Variants in EBF3 observed in about 807,000 individuals in gnomAD.
The protein encoded by EBF3 is EBF transcription factor 3.
Under a neutral mutation model 77.1 loss-of-function variants are expected in EBF3, and 18 were observed. The ratio of observed to expected loss-of-function variants is 0.23; its 90% confidence interval spans 0.16 to 0.35. The LOEUF is 0.35. Among genes scored for constraint, EBF3 ranks in the 10% least tolerant of loss-of-function variants. The pLI is 1.00. For synonymous variants in EBF3, 350 were observed against 343.5 expected, an observed-to-expected ratio of 1.02 and a Z score of -0.21; for missense variants, 558 against 860.0, an observed-to-expected ratio of 0.65 and a Z score of 4.39.
In EBF3 at chr10:129,837,848, C is replaced by T. The variant is rs1849704657; in HGVS notation, c.*95G>A. ...ATTTTTTTGAAGATACTGTTTCCAT[C>T]AGCATGTCTTAATATACTAAACGTG... On this transcript the variant is annotated 3_prime_UTR_variant, in exon 17 of 17. Transcript: ENST00000440978. 6.5e-7 allele frequency: 1 copy of T among 1,533,144 alleles called. No individual in the cohort carries two copies. Among genetic ancestry groups the T allele is most frequent in the Admixed American group, 1.7e-5 (1 of 57,488 alleles). 95.0% of individuals were successfully genotyped at this position (1,533,144 alleles called of 1,614,324 possible). A position where few individuals can be genotyped will look rare whatever the true frequency, so the allele number is the denominator to read the frequency against.
At chr10:129,858,035 G>A (rs1331390940) in intron 10 of EBF3, among the ~76,000 whole-genome samples, 1 of 152,234 alleles carries the variant, frequency 6.6e-6, no homozygotes, top group Admixed American at 6.5e-5. Context: ...CTCTGGGGTG[G>A]TGAGGAAGGG....
intron 6 of EBF3, among the ~76,000 whole-genome samples, chr10:129,902,046 T>C (rs934616073): frequency 6.6e-6 from 1 of 152,204 alleles, no homozygotes; most frequent in Non-Finnish European, 1.5e-5. Context: ...ATGCTTTTAA[T>C]ACAAAATCTA....
At position 129,864,920 on chromosome 10, in the gene EBF3, C is replaced by T. The variant is rs1410597634; in HGVS notation, c.1039+2221G>A. ...GGAAGGACCATTTATGGAGTGCCTG[C>T]CATGTGTTAGACACTGTACATAAGT... On this transcript the variant is annotated intron_variant, in intron 10 of 16. Coordinates refer to ENST00000440978, the MANE Select transcript of EBF3 (RefSeq NM_001375380.1). The surrounding 1 kb of genome is among the most constrained non-coding windows in gnomAD (Gnocchi z 4.4). Among the ~76,000 whole-genome samples the T allele has an allele frequency of 6.6e-6, 1 of 152,244 alleles. No individual in the cohort carries two copies. Among genetic ancestry groups the T allele is most frequent in the Non-Finnish European group, 1.5e-5 (1 of 68,042 alleles).
intron 6 of EBF3, 126 bp from the exon 7 acceptor site, chr10:129,877,975 G>T (rs1057290920): frequency 1.4e-6 from 1 of 714,944 alleles, no homozygotes; most frequent in African/African-American, 1.8e-5. Context: ...CTTCCCTCTA[G>T]GGGGCGACAT....
chr10:129,850,275 G>T (rs558130153), intron 10 of EBF3, among the ~76,000 whole-genome samples: 1 of 152,366 alleles, frequency 6.6e-6, no homozygotes, highest in South Asian at 2.1e-4. Flanking sequence ...GCCCCTGACA[G>T]GTGATAGACG....
rs1417827546 is a variant in EBF3, at chr10:129,861,567, T to TG, written c.1039+5573dup. 1.5e-5 allele frequency among the ~76,000 whole-genome samples: 2 copies of TG among 132,520 alleles called. No individual in the cohort carries two copies. Among genetic ancestry groups the TG allele is most frequent in the Non-Finnish European group, 3.2e-5 (2 of 61,548 alleles). The allele number at this position is 132,520 out of a possible 152,430, so 86.9% of individuals were successfully genotyped here. On this transcript the variant is annotated intron_variant, in intron 10 of 16. Transcript: ENST00000440978. The surrounding 1 kb of genome is among the most constrained non-coding windows in gnomAD (Gnocchi z 4.3). ...TTCTTGGGGGGTTCACTGGGGATCATGGGGGGGACACAGACATCCTTGGAC... is the reference window on the plus strand; with the variant it reads ...TTCTTGGGGGGTTCACTGGGGATCATGGGGGGGGACACAGACATCCTTGGAC...
chr10:129,857,149 A>G (rs1350318210), intron 10 of EBF3, among the ~76,000 whole-genome samples: 1 of 152,212 alleles, frequency 6.6e-6, no homozygotes, highest in Admixed American at 6.5e-5. Context: ...TTCAGGCTGC[A>G]TAAAGAAGAA....
intron 6 of EBF3, among the ~76,000 whole-genome samples, chr10:129,901,447 T>C (rs771269036): frequency 1.3e-5 from 2 of 152,188 alleles, no homozygotes; most frequent in Non-Finnish European, 2.9e-5. Flanking sequence ...GATCCTACCA[T>C]TTGTCTTAAT....
At chr10:129,884,381 G>T (rs1156920312) in intron 6 of EBF3, among the ~76,000 whole-genome samples, 1 of 152,102 alleles carries the variant, frequency 6.6e-6, no homozygotes, top group Admixed American at 6.5e-5. Context: ...AAATGCGAGG[G>T]TCTTAATGTC....
At chr10:129,891,089 A>G (rs1853988707) in intron 6 of EBF3, among the ~76,000 whole-genome samples, 2 of 152,354 alleles carry the variant, frequency 1.3e-5, no homozygotes, top group South Asian at 4.1e-4. Context: ...TCTTCATGAA[A>G]AATGAGCATC....
chr10:129,953,107 T>G (rs1200596183), intron 6 of EBF3, among the ~76,000 whole-genome samples: 1 of 149,610 alleles, frequency 6.7e-6, no homozygotes, highest in East Asian at 2.0e-4. Context: ...TCTCCAATCG[T>G]TGGGCTACCG....
chr10:129,860,275 C>T (rs902535248), intron 10 of EBF3, among the ~76,000 whole-genome samples: 5 of 152,012 alleles, frequency 3.3e-5, no homozygotes, highest in African/African-American at 1.2e-4. Flanking sequence ...CGAGAAGGAC[C>T]ATCGCAAGGT....
In EBF3 at chr10:129,841,972, G is replaced by T; in HGVS notation, c.1372+144C>A. On this transcript the variant is annotated intron_variant, in intron 13 of 16. Coordinates refer to ENST00000440978, the MANE Select transcript of EBF3 (RefSeq NM_001375380.1). This position sits in a 1 kb window ranked among gnomAD's most constrained non-coding sequence, Gnocchi z 4.6. ...GGAGGACCTGCAGCAAGGTCTTCCT[G>T]AGCAAAGGAACCAGCAGAGCCAGAG... The T allele has an allele frequency of 9.0e-7, 1 of 1,105,106 alleles. No individual in the cohort carries two copies. Among genetic ancestry groups the T allele is most frequent in the Non-Finnish European group, 1.3e-6 (1 of 786,208 alleles). The allele number at this position is 1,105,106 out of a possible 1,614,324, so 68.5% of individuals were successfully genotyped here.
chr10:129,873,200 A>G (rs919072508), intron 8 of EBF3, among the ~76,000 whole-genome samples: 1 of 152,236 alleles, frequency 6.6e-6, no homozygotes, highest in African/African-American at 2.4e-5. Context: ...GCAGTAAGCA[A>G]AAGAACGCCT....
chr10:129,917,679 A>AAAAAAAAAAAAAAAAAAAAC (rs1564887155), intron 6 of EBF3, among the ~76,000 whole-genome samples: 2 of 141,982 alleles, frequency 1.4e-5, no homozygotes, highest in Non-Finnish European at 3.1e-5. Flanking sequence ...AAAAAAAAAA[A>AAAAAAAAAAAAAAAAAAAAC]CTAAAACCAA....
chr10:129,909,052 T>C (rs1855338627), intron 6 of EBF3, among the ~76,000 whole-genome samples: 1 of 152,226 alleles, frequency 6.6e-6, no homozygotes, highest in Non-Finnish European at 1.5e-5. Flanking sequence ...CCTTCTGAAT[T>C]AGAAGTTACT....
intron 6 of EBF3, among the ~76,000 whole-genome samples, chr10:129,942,478 C>T (rs1589919570): frequency 6.6e-6 from 1 of 152,176 alleles, no homozygotes; most frequent in East Asian, 1.9e-4. Context: ...GAGCACCAGC[C>T]CCAGTGGTCC....
intron 10 of EBF3, among the ~76,000 whole-genome samples, chr10:129,857,609 C>T (rs1006715608): frequency 2.6e-5 from 4 of 152,222 alleles, no homozygotes; most frequent in Admixed American, 1.3e-4. Context: ...TTTCCATGTC[C>T]CGCTTCATTC....
chr10:129,889,733 C>T (rs1247794791), intron 6 of EBF3, among the ~76,000 whole-genome samples: 1 of 149,022 alleles, frequency 6.7e-6, no homozygotes, highest in Non-Finnish European at 1.5e-5. Context: ...AATGAATGTC[C>T]TGTTGGGTGC....
Sources: gnomAD v4.1 joint callset for allele counts (sites outside exome capture counted in the v4.1 genomes callset) on GRCh38, gnomAD v4.1.1 for gene constraint, Gnocchi (gnomAD v3.1) non-coding constraint, MANE v1.5 for transcripts, NCBI Gene and HGNC (gene_info 2026-07-23, HGNC 2026-07-21) for gene names.